The following TRAK2 variants were observed in gnomAD, a reference collection of about 807,000 sequenced individuals.
TRAK2 encodes the protein trafficking kinesin protein 2.
In TRAK2, 81 loss-of-function variants were observed where a neutral mutation model predicts 104.6. The observed-to-expected ratio is 0.77, with a 90% CI of 0.65 to 0.93. The LOEUF is 0.93. Among genes scored for constraint, TRAK2 ranks in the 40% least tolerant of loss-of-function variants. TRAK2 has a pLI of 0.00. For missense variants in TRAK2, 1,002 were observed against 1,089.0 expected (o/e 0.92, Z 1.12); for synonymous variants, 406 against 394.4 (o/e 1.03, Z -0.35).
chr2:201,407,580 C>T lies in TRAK2; in HGVS notation c.109G>A (p.Asp37Asn). 3 of 1,613,206 alleles carry T rather than the reference C, an allele frequency of 1.9e-6. No individual in the cohort carries two copies. The highest frequency in any genetic ancestry group is 2.5e-6 in the Non-Finnish European group (3 of 1,179,804). Residue 37 changes from aspartate to asparagine, a missense_variant, in exon 3 of 16, where the codon GAT (aspartate) becomes AAT (asparagine). Asp to Asn is a conservative substitution (Grantham distance 23, BLOSUM62 1). Transcript: ENST00000332624. Reference protein sequence around the residue: ...ESITDVCSNEDLPEVELVSLL... With the variant: ...ESITDVCSNENLPEVELVSLL... Reference sequence around the variant, plus strand: ...CTCACCAGCTCAACTTCAGGGAGATCCTCATTGGAGCAGACATCTAAAGAG... The same window carrying T: ...CTCACCAGCTCAACTTCAGGGAGATTCTCATTGGAGCAGACATCTAAAGAG...
At chr2:201,421,492 C>T (rs556000762) in intron 1 of TRAK2, among the ~76,000 whole-genome samples, 7 of 152,232 alleles carry the variant, frequency 4.6e-5, no homozygotes, top group African/African-American at 1.4e-4. Context: ...CCACTAAGTG[C>T]CAGCAGAATC....
chr2:201,436,413 T>C (rs1247077886), intron 1 of TRAK2, among the ~76,000 whole-genome samples: 1 of 152,120 alleles, frequency 6.6e-6, no homozygotes, highest in African/African-American at 2.4e-5. Context: ...AAGACACCAT[T>C]GGCCGAAAAC....
chr2:201,440,087 A>C (rs1359792187), intron 1 of TRAK2, among the ~76,000 whole-genome samples: 1 of 152,100 alleles, frequency 6.6e-6, no homozygotes, highest in Non-Finnish European at 1.5e-5. Flanking sequence ...AGTATTAAAA[A>C]AAAAAAGTGC....
In TRAK2 at chr2:201,380,469, C is replaced by G. The variant is rs1463074003; in HGVS notation, c.*74G>C. The G allele has an allele frequency of 7.0e-7, 1 of 1,434,484 alleles. No homozygotes were observed. The highest frequency in any genetic ancestry group is 1.4e-5 in the African/African-American group (1 of 71,344). 88.9% of individuals were successfully genotyped at this position (1,434,484 alleles called of 1,614,324 possible). ...AACATTCCTTTTCTCTCAAGTCAGA[C>G]CAGACCACATGTTTCAGTGCATATC... is the stretch of plus-strand genomic sequence containing the variant. On this transcript the variant is annotated 3_prime_UTR_variant, in exon 16 of 16. Coordinates refer to ENST00000332624, the MANE Select transcript of TRAK2 (RefSeq NM_015049.3).
intron 14 of TRAK2, among the ~76,000 whole-genome samples, chr2:201,385,341 A>G (rs1003852908): frequency 6.9e-6 from 1 of 144,132 alleles, no homozygotes; most frequent in African/African-American, 2.5e-5. Context: ...ATTTAATTTA[A>G]TTTTTTTTTT....
intron 1 of TRAK2, among the ~76,000 whole-genome samples, chr2:201,432,700 C>A (rs1269256999): frequency 6.6e-6 from 1 of 152,166 alleles, no homozygotes; most frequent in Admixed American, 6.5e-5. Context: ...TAAAAAATAT[C>A]TTGCTACTTC....
At chr2:201,400,368 C>T (rs1275230514) in intron 4 of TRAK2, among the ~76,000 whole-genome samples, 3 of 152,026 alleles carry the variant, frequency 2.0e-5, no homozygotes, top group Non-Finnish European at 1.5e-5. Context: ...TATCCTTTCT[C>T]TCCATAGGCA....
chr2:201,421,112 GGT>G (rs970103800), intron 1 of TRAK2, among the ~76,000 whole-genome samples: 1 of 152,072 alleles, frequency 6.6e-6, no homozygotes, highest in Non-Finnish European at 1.5e-5. Flanking sequence ...TTTAAATAAA[GGT>G]GTTTAATTTT....
chr2:201,419,035 A>C (rs915754828), intron 2 of TRAK2, among the ~76,000 whole-genome samples: 1 of 152,254 alleles, frequency 6.6e-6, no homozygotes, highest in Non-Finnish European at 1.5e-5. Context: ...CAATAGTAAG[A>C]TAAATTTTTA....
At chr2:201,424,838 A>C (rs1429703822) in intron 1 of TRAK2, among the ~76,000 whole-genome samples, 1 of 151,432 alleles carries the variant, frequency 6.6e-6, no homozygotes, top group Non-Finnish European at 1.5e-5. Flanking sequence ...CGATCTCCTG[A>C]CCTCGTGATC....
At chr2:201,418,405 G>C (rs765218837) in intron 2 of TRAK2, among the ~76,000 whole-genome samples, 1 of 152,128 alleles carries the variant, frequency 6.6e-6, no homozygotes, top group Middle Eastern at 3.4e-3. Flanking sequence ...TGAACTCCTC[G>C]GCTCAAGTGT....
intron 1 of TRAK2, among the ~76,000 whole-genome samples, chr2:201,435,417 G>A (rs1236346147): frequency 6.6e-6 from 1 of 152,164 alleles, no homozygotes; most frequent in East Asian, 1.9e-4. Context: ...AAATTCTGTA[G>A]TCTCTTAAGT....
At chr2:201,425,439 C>T (rs1951779081) in intron 1 of TRAK2, among the ~76,000 whole-genome samples, 1 of 152,062 alleles carries the variant, frequency 6.6e-6, no homozygotes, top group Admixed American at 6.6e-5. Flanking sequence ...TTCACTCTTG[C>T]TGCCCAGGTT....
intron 4 of TRAK2, 77 bp downstream of exon 4, chr2:201,400,941 G>C (rs2125646957): frequency 8.8e-7 from 1 of 1,134,906 alleles, no homozygotes; most frequent in Non-Finnish European, 1.3e-6. Flanking sequence ...TTTTCCATTT[G>C]ATGTGCAAAT....
In TRAK2 at chr2:201,380,497, T is replaced by TC; in HGVS notation, c.*45dup. On this transcript the variant is annotated 3_prime_UTR_variant, in exon 16 of 16. Transcript: ENST00000332624. ...GACCACATGTTTCAGTGCATATCTA[T>TC]CCTTCATGTGCTAACTTGTATAAAA... The TC allele has an allele frequency of 6.4e-7, 1 of 1,572,748 alleles. No homozygotes were observed. The highest frequency in any genetic ancestry group is 2.2e-5 in the East Asian group (1 of 44,492).
intron 10 of TRAK2, among the ~76,000 whole-genome samples, chr2:201,392,301 T>C (rs1164713191): frequency 6.6e-6 from 1 of 152,198 alleles, no homozygotes; most frequent in East Asian, 1.9e-4. Context: ...TCCCTATTTT[T>C]AAGAAAATCT....
At chr2:201,411,239 G>A (rs1951644100) in intron 2 of TRAK2, 1 of 723,580 alleles carries the variant, frequency 1.4e-6, no homozygotes. Context: ...GAGGCTGCTG[G>A]CCTTTCAACT....
At chr2:201,426,136 A>G (rs1951786198) in intron 1 of TRAK2, among the ~76,000 whole-genome samples, 1 of 152,202 alleles carries the variant, frequency 6.6e-6, no homozygotes, top group Non-Finnish European at 1.5e-5. Flanking sequence ...GCTGCATAGC[A>G]GGAGGTGGGT....
intron 9 of TRAK2, 83 bp downstream of exon 9, chr2:201,394,715 C>G (rs1951484182): frequency 1.8e-6 from 2 of 1,121,928 alleles, no homozygotes; most frequent in Non-Finnish European, 2.6e-6. Context: ...GGTAATTCCC[C>G]TTTAATAATT....
Sources: allele counts gnomAD v4.1 joint callset (sites outside exome capture counted in the v4.1 genomes callset), GRCh38; gene constraint gnomAD v4.1.1; transcripts MANE v1.5; gene names NCBI Gene and HGNC (gene_info 2026-07-23, HGNC 2026-07-21).